Variants in SLC5A1 observed in about 807,000 individuals in gnomAD.
The protein encoded by SLC5A1 is solute carrier family 5 member 1.
In SLC5A1, 42 loss-of-function variants were observed where a neutral mutation model predicts 73.5. That is an observed-to-expected ratio of 0.57 (90% CI 0.45 to 0.74). SLC5A1 has a LOEUF of 0.74. Among genes scored for constraint, SLC5A1 ranks in the 30% least tolerant of loss-of-function variants. The probability of loss-of-function intolerance (pLI) is 0.00; values close to 1 mark genes in which losing one functional copy is unlikely to be tolerated. For missense variants in SLC5A1, 634 were observed against 855.4 expected, an observed-to-expected ratio of 0.74 and a Z score of 3.23; for synonymous variants, 300 against 317.4, an observed-to-expected ratio of 0.95 and a Z score of 0.58.
In SLC5A1 at chr22:32,111,754, A is replaced by G. The variant is rs1255967312; in HGVS notation, c.*1541A>G. ...CTTGACTCTGGTACTATAGCATGTCAGCAAATACAAGCAAAGCCCAACACT... is the reference window on the plus strand; with the variant it reads ...CTTGACTCTGGTACTATAGCATGTCGGCAAATACAAGCAAAGCCCAACACT... On this transcript the variant is annotated 3_prime_UTR_variant, in exon 15 of 15. Coordinates refer to ENST00000266088, the MANE Select transcript of SLC5A1 (RefSeq NM_000343.4). 6.6e-6 allele frequency: 1 copy of G among 152,184 alleles called. No individual in the cohort carries two copies. Among genetic ancestry groups the G allele is most frequent in the Non-Finnish European group, 1.5e-5 (1 of 68,040 alleles). 9.4% of individuals were successfully genotyped at this position (152,184 alleles called of 1,614,324 possible).
chr22:32,105,140 C>T (rs1364261296), intron 14 of SLC5A1, among the ~76,000 whole-genome samples: 3 of 152,050 alleles, frequency 2.0e-5, no homozygotes, highest in African/African-American at 4.8e-5. Context: ...TTTGTGAGTA[C>T]GTAGTAGGTG....
chr22:32,078,360 C>G (rs745835570), intron 5 of SLC5A1, among the ~76,000 whole-genome samples: 1 of 152,108 alleles, frequency 6.6e-6, no homozygotes, highest in African/African-American at 2.4e-5. Flanking sequence ...CTCTGCCTCC[C>G]AGGTTCAAGC....
intron 9 of SLC5A1, among the ~76,000 whole-genome samples, chr22:32,085,879 C>A (rs948536978): frequency 1.3e-5 from 2 of 152,106 alleles, no homozygotes; most frequent in Non-Finnish European, 2.9e-5. Flanking sequence ...CGGTGGCTCA[C>A]GCCTGTAATC....
At chr22:32,101,976 T>A in intron 12 of SLC5A1, 46 bp from the exon 13 acceptor site, 4 of 1,422,786 alleles carry the variant, frequency 2.8e-6, no homozygotes, top group Non-Finnish European at 3.0e-6. Flanking sequence ...AAAGGCCATC[T>A]GTTTTGTGTG....
chr22:32,090,921 T>G (rs559768507), intron 10 of SLC5A1, among the ~76,000 whole-genome samples: 8 of 152,230 alleles, frequency 5.3e-5, no homozygotes, highest in African/African-American at 1.9e-4. Context: ...TTTTAAAAAT[T>G]TATTATCATA....
chr22:32,089,069 T>C (rs2094012755), intron 10 of SLC5A1, among the ~76,000 whole-genome samples: 1 of 152,176 alleles, frequency 6.6e-6, no homozygotes. Flanking sequence ...CTGATAAGAG[T>C]GTCATACAGT....
chr22:32,089,126 T>C (rs1013757525), intron 10 of SLC5A1, among the ~76,000 whole-genome samples: 2 of 152,358 alleles, frequency 1.3e-5, no homozygotes, highest in Non-Finnish European at 2.9e-5. Context: ...AAAGTAATCC[T>C]GAACGAATGG....
rs763591988 is a variant in SLC5A1 at position 32,110,069 on chromosome 22, A to G, written c.1851A>G (p.Ala617=). 2 of 1,614,100 alleles carry G rather than the reference A, an allele frequency of 1.2e-6. No individual in the cohort carries two copies. Among genetic ancestry groups the G allele is most frequent in the African/African-American group, 1.3e-5 (1 of 75,060 alleles). The change falls in exon 15 of 15, where the codon GCA becomes GCG. Residue 617 remains alanine, a synonymous_variant. Transcript: ENST00000266088. ...DLFCGLEQHG[A]PKMTEEEEKA... ...TTTGTGGGCTAGAGCAGCACGGTGC[A>G]CCCAAGATGACTGAGGAAGAGGAGA...
At chr22:32,107,377 A>T in intron 14 of SLC5A1, among the ~76,000 whole-genome samples, 1 of 152,234 alleles carries the variant, frequency 6.6e-6, no homozygotes, top group South Asian at 2.1e-4. Flanking sequence ...ATTTTAACTC[A>T]GAGTAAGGAG....
At chr22:32,061,414 TAA>T (rs749487888) in intron 2 of SLC5A1, among the ~76,000 whole-genome samples, 2 of 144,166 alleles carry the variant, frequency 1.4e-5, no homozygotes, top group African/African-American at 5.1e-5. Flanking sequence ...GACTCTGTCT[TAA>T]AAAAAAAAAA....
intron 5 of SLC5A1, among the ~76,000 whole-genome samples, chr22:32,073,140 T>A (rs1177237156): frequency 6.6e-6 from 1 of 152,248 alleles, no homozygotes; most frequent in Admixed American, 6.5e-5. Context: ...TGTACCCCCT[T>A]GTTTTCTCCT....
chr22:32,102,858 C>T (rs888501014), intron 13 of SLC5A1, among the ~76,000 whole-genome samples: 35 of 152,170 alleles, frequency 2.3e-4, no homozygotes, highest in Admixed American at 1.6e-3. Context: ...TTTTACTTAA[C>T]ATAATGGCCT....
chr22:32,053,244 T>G (rs1376818171), intron 2 of SLC5A1, among the ~76,000 whole-genome samples: 1 of 152,140 alleles, frequency 6.6e-6, no homozygotes, highest in East Asian at 1.9e-4. Context: ...GCTTTGCTCT[T>G]TCTTCTTCCT....
At chr22:32,077,760 C>T (rs1412410075) in intron 5 of SLC5A1, among the ~76,000 whole-genome samples, 1 of 152,078 alleles carries the variant, frequency 6.6e-6, no homozygotes, top group East Asian at 1.9e-4. Context: ...TTCCTCTTTC[C>T]TAAAAGGTGA....
rs2094017436 is a variant in SLC5A1 at position 32,091,443 on chromosome 22, TTTAAAGCCATAGGACTACTTC to T, written c.1130-161_1130-141del. ...TGTGGGCTTATAATGGGCTAATAAA[TTTAAAGCCATAGGACTACTTC>T]TTAAAGCTTCTAGTCTTTTTGGAGA... On this transcript the variant is annotated intron_variant, in intron 10 of 14. Coordinates refer to ENST00000266088, the MANE Select transcript of SLC5A1 (RefSeq NM_000343.4). Among the ~76,000 whole-genome samples the T allele has an allele frequency of 2.6e-5, 4 of 152,210 alleles. No individual in the cohort carries two copies. The South Asian group carries it at 8.3e-4, about 32-fold the overall frequency.
chr22:32,064,316 C>T (rs542030852), intron 2 of SLC5A1, among the ~76,000 whole-genome samples: 1 of 151,778 alleles, frequency 6.6e-6, no homozygotes, highest in South Asian at 2.1e-4. Context: ...GGTAACATGG[C>T]GAACCCCCGT....
chr22:32,059,368 C>T (rs546623285), intron 2 of SLC5A1: 23 of 983,320 alleles, frequency 2.3e-5, no homozygotes, highest in South Asian at 9.4e-5. Flanking sequence ...GGATGGAGAT[C>T]GGCTCTGGAT....
intron 11 of SLC5A1, among the ~76,000 whole-genome samples, chr22:32,094,827 G>T (rs117777180): frequency 0.15 from 21,652 of 146,888 alleles, 1,627 homozygotes; most frequent in Non-Finnish European, 0.18. Context: ...TTTTTTTTTT[G>T]GTTTCACTTT....
chr22:32,087,824 CA>C (rs1386034035), intron 10 of SLC5A1, among the ~76,000 whole-genome samples: 1 of 152,012 alleles, frequency 6.6e-6, no homozygotes, highest in Non-Finnish European at 1.5e-5. Flanking sequence ...AGAGACTAGT[CA>C]AATTCTTTCA....
Sources: gnomAD v4.1 joint callset for allele counts (sites outside exome capture counted in the v4.1 genomes callset) on GRCh38, gnomAD v4.1.1 for gene constraint, MANE v1.5 for transcripts, NCBI Gene and HGNC (gene_info 2026-07-23, HGNC 2026-07-21) for gene names.